The following GPBP1L1 variants were observed in gnomAD, a reference collection of about 807,000 sequenced individuals.
The protein encoded by GPBP1L1 is GC-rich promoter binding protein 1 like 1.
A neutral mutation model predicts 52.5 loss-of-function variants in GPBP1L1; 23 were observed. The ratio of observed to expected loss-of-function variants is 0.44; its 90% CI spans 0.32 to 0.62. GPBP1L1 has a LOEUF of 0.62. Among genes scored for constraint, GPBP1L1 ranks in the 20% least tolerant of loss-of-function variants. GPBP1L1 has a pLI of 0.06. For synonymous variants in GPBP1L1, 243 were observed against 203.1 expected, an observed-to-expected ratio of 1.20 and a Z score of -1.67; for missense variants, 596 against 579.3, an observed-to-expected ratio of 1.03 and a Z score of -0.30.
rs377221563 is a variant in GPBP1L1, at chr1:45,654,837, A to G, written c.191-8T>C. On this transcript the variant is annotated splice_polypyrimidine_tract_variant and splice_region_variant and intron_variant, in intron 5 of 12. Transcript: ENST00000355105. ...AGGGCTGGTGCCAAGAATCTAGAAT[A>G]GTAAAGAAAAGGACTAATTAGATTG... 3.7e-6 allele frequency: 6 copies of G among 1,611,638 alleles called. No individual in the cohort carries two copies. Among genetic ancestry groups the G allele is most frequent in the Non-Finnish European group, 5.1e-6 (6 of 1,178,712 alleles).
intron 8 of GPBP1L1, chr1:45,635,130 TTTTA>T (rs1377447625): frequency 6.6e-6 from 1 of 152,186 alleles, no homozygotes; most frequent in African/African-American, 2.4e-5. Context: ...GGTCAGTCTG[TTTTA>T]TTTAATTCTT....
intron 12 of GPBP1L1, among the ~76,000 whole-genome samples, chr1:45,628,909 G>C (rs917862525): frequency 1.3e-5 from 2 of 152,136 alleles, no homozygotes; most frequent in Non-Finnish European, 2.9e-5. Context: ...TCATCTGCCT[G>C]CCTCGGCCTC....
At chr1:45,659,189 A>G (rs557120696) in intron 3 of GPBP1L1, 47 bp from the exon 4 acceptor site, 5 of 1,094,930 alleles carry the variant, frequency 4.6e-6, no homozygotes, top group East Asian at 4.7e-5. Flanking sequence ...AGAATCTGAT[A>G]CCAATGTGTA....
intron 4 of GPBP1L1, among the ~76,000 whole-genome samples, chr1:45,656,983 G>A (rs1644893032): frequency 1.3e-5 from 2 of 152,134 alleles, no homozygotes; most frequent in Admixed American, 1.3e-4. Flanking sequence ...ACTGAGCCCA[G>A]CCTCTACAGG....
intron 6 of GPBP1L1, chr1:45,651,087 C>G (rs1644813545): frequency 2.0e-5 from 10 of 503,984 alleles, no homozygotes; most frequent in South Asian, 1.4e-4. Flanking sequence ...CAATGCGAGT[C>G]ACAGACTTGG....
chr1:45,676,581 G>T (rs1359217431), intron 2 of GPBP1L1, among the ~76,000 whole-genome samples: 2 of 151,820 alleles, frequency 1.3e-5, no homozygotes, highest in Non-Finnish European at 1.5e-5. Context: ...TTGGTGGCAG[G>T]CACCTGTAAT....
intron 6 of GPBP1L1, among the ~76,000 whole-genome samples, chr1:45,647,941 G>GT (rs996736254): frequency 2.6e-5 from 4 of 151,918 alleles, no homozygotes; most frequent in Admixed American, 2.0e-4. Flanking sequence ...CTGTGTGTAT[G>GT]TTTTTTTCTT....
At chr1:45,631,966 A>G (rs1644536589) in intron 10 of GPBP1L1, among the ~76,000 whole-genome samples, 1 of 152,062 alleles carries the variant, frequency 6.6e-6, no homozygotes, top group Non-Finnish European at 1.5e-5. Context: ...CATGCCTGTA[A>G]TCCCAGCATT....
At chr1:45,632,918 A>G (rs1644548656) in intron 10 of GPBP1L1, among the ~76,000 whole-genome samples, 1 of 152,242 alleles carries the variant, frequency 6.6e-6, no homozygotes, top group Non-Finnish European at 1.5e-5. Flanking sequence ...GAAGATACAT[A>G]GATGGATGCT....
chr1:45,637,337 C>T (rs983058946), intron 8 of GPBP1L1, among the ~76,000 whole-genome samples: 6 of 152,160 alleles, frequency 3.9e-5, no homozygotes, highest in Non-Finnish European at 7.4e-5. Flanking sequence ...ATCCTACGTA[C>T]CCAGAACCAC....
At chr1:45,647,168 T>A (rs970184517) in intron 6 of GPBP1L1, among the ~76,000 whole-genome samples, 1 of 148,198 alleles carries the variant, frequency 6.7e-6, no homozygotes, top group African/African-American at 2.5e-5. Context: ...TTCTTAGGAT[T>A]TTTTTTTTTT....
chr1:45,629,032 G>A (rs764071050), intron 12 of GPBP1L1, among the ~76,000 whole-genome samples: 3 of 152,172 alleles, frequency 2.0e-5, no homozygotes, highest in Non-Finnish European at 4.4e-5. Flanking sequence ...CCCCTTTTAA[G>A]GACTTGGCCA....
intron 6 of GPBP1L1, among the ~76,000 whole-genome samples, chr1:45,646,763 T>C (rs1266258830): frequency 6.6e-6 from 1 of 152,074 alleles, no homozygotes; most frequent in Non-Finnish European, 1.5e-5. Context: ...TTCAACATGT[T>C]AGTCAGGATG....
At chr1:45,632,108 T>C (rs990191507) in intron 10 of GPBP1L1, among the ~76,000 whole-genome samples, 12 of 152,182 alleles carry the variant, frequency 7.9e-5, no homozygotes, top group Admixed American at 2.0e-4. Context: ...TCCTCACAGG[T>C]CTAATTCCTT....
intron 5 of GPBP1L1, 117 bp from the exon 6 acceptor site, chr1:45,654,946 A>C (rs1644866673): frequency 9.0e-7 from 1 of 1,109,150 alleles, no homozygotes; most frequent in Non-Finnish European, 1.3e-6. Context: ...AAAAAATAAA[A>C]AAATGTATCT....
intron 2 of GPBP1L1, among the ~76,000 whole-genome samples, chr1:45,663,059 A>AAAAAAAAAAAG (rs1434022930): frequency 6.6e-6 from 1 of 151,342 alleles, no homozygotes. Context: ...TCAAAAAAAA[A>AAAAAAAAAAAG]AAAAAGCAAA....
chr1:45,651,203 A>G (rs563445112), intron 6 of GPBP1L1: 72 of 456,258 alleles, frequency 1.6e-4, no homozygotes, highest in African/African-American at 1.4e-3. Context: ...TTGTCTTCCA[A>G]GTTAACCTGT....
intron 6 of GPBP1L1, chr1:45,645,766 T>TGG: frequency 3.1e-6 from 1 of 325,610 alleles, no homozygotes; most frequent in African/African-American, 2.8e-5. Flanking sequence ...CCGAAGTTTT[T>TGG]TGTTTTTTTT....
chr1:45,639,574 TAAAA>T (rs60435928), intron 8 of GPBP1L1, among the ~76,000 whole-genome samples: 8 of 130,138 alleles, frequency 6.1e-5, no homozygotes, highest in African/African-American at 2.0e-4. Flanking sequence ...AAAAAATAAT[TAAAA>T]AAAAAAAAAA....
Sources: gnomAD v4.1 joint callset for allele counts (sites outside exome capture counted in the v4.1 genomes callset) on GRCh38, gnomAD v4.1.1 for gene constraint, MANE v1.5 for transcripts, NCBI Gene and HGNC (gene_info 2026-07-23, HGNC 2026-07-21) for gene names.